The following CENPL variants were observed in gnomAD, a reference collection of about 807,000 sequenced individuals.
The protein encoded by CENPL is centromere protein L.
CENPL carries 20 observed loss-of-function variants against 35.2 expected under a neutral mutation model. The ratio of observed to expected loss-of-function variants is 0.57; its 90% CI spans 0.40 to 0.83. The LOEUF is 0.83. CENPL is among the 40% of genes least tolerant of loss of function. The pLI is 0.00. For synonymous variants in CENPL, 140 were observed against 140.6 expected, an observed-to-expected ratio of 1.00 and a Z score of 0.03; for missense variants, 363 against 395.8, an observed-to-expected ratio of 0.92 and a Z score of 0.70.
At chr1:173,811,499 A>T (rs1409211872) in intron 2 of CENPL, among the ~76,000 whole-genome samples, 193 bp from the exon 3 acceptor site, 1 of 152,208 alleles carries the variant, frequency 6.6e-6, no homozygotes, top group Non-Finnish European at 1.5e-5. Flanking sequence ...TATCTTACAG[A>T]TACCTCAAAA....
chr1:173,811,748 G>A (rs529071068), intron 2 of CENPL, among the ~76,000 whole-genome samples: 11 of 152,314 alleles, frequency 7.2e-5, no homozygotes, highest in African/African-American at 2.4e-4. Context: ...CAGCATGATC[G>A]ATGCAGAAGA....
At chr1:173,801,445 C>T (rs777784879) in intron 5 of CENPL, among the ~76,000 whole-genome samples, 3 of 150,320 alleles carry the variant, frequency 2.0e-5, no homozygotes, top group Non-Finnish European at 3.0e-5. Flanking sequence ...ACCCAGGAGG[C>T]GGAGGCTGCA....
intron 4 of CENPL, among the ~76,000 whole-genome samples, chr1:173,805,376 AC>A (rs1435701368): frequency 6.6e-6 from 1 of 152,014 alleles, no homozygotes; most frequent in Admixed American, 6.6e-5. Context: ...CTAGCCTGGC[AC>A]GGTGGCACAT....
At chr1:173,822,310 C>T (rs1652031343) in intron 2 of CENPL, 1 of 152,110 alleles carries the variant, frequency 6.6e-6, no homozygotes. Context: ...ACCTTGTTTC[C>T]TCTGACATTC....
chr1:173,814,128 T>C (rs193106200), intron 2 of CENPL, among the ~76,000 whole-genome samples: 2 of 152,282 alleles, frequency 1.3e-5, no homozygotes, highest in East Asian at 1.9e-4. Flanking sequence ...AAGAGCTAAC[T>C]ACCATATATA....
At chr1:173,805,452 T>C (rs774998210) in intron 4 of CENPL, among the ~76,000 whole-genome samples, 11 of 151,150 alleles carry the variant, frequency 7.3e-5, no homozygotes, top group Non-Finnish European at 1.3e-4. Context: ...GAGGTAGAGG[T>C]TGCAGTGAGC....
In CENPL at chr1:173,807,363, A is replaced by G. The variant is rs1313281128; in HGVS notation, c.324T>C (p.Ala108=). ...FIVAEKQKGL[A]VEVGEDFNIK... ...TGTTGAAGTCTTCTCCCACTTCCAC[A>G]GCAAGTCCTTTTTGCTTTTCAGCAA... Residue 108 remains alanine, a synonymous_variant, in exon 4 of 6, where the codon GCT becomes GCC. Transcript: ENST00000682279. 1 of 1,613,842 alleles carries G rather than the reference A, an allele frequency of 6.2e-7. No homozygotes were observed. The highest frequency in any genetic ancestry group is 8.5e-7 in the Non-Finnish European group (1 of 1,179,828).
At chr1:173,805,619 T>G (rs1164601738) in intron 4 of CENPL, among the ~76,000 whole-genome samples, 1 of 152,110 alleles carries the variant, frequency 6.6e-6, no homozygotes, top group Non-Finnish European at 1.5e-5. Flanking sequence ...TTACTGGGTC[T>G]CAGCAAGATT....
At chr1:173,803,805 G>A (rs1372493849) in intron 4 of CENPL, among the ~76,000 whole-genome samples, 5 of 151,942 alleles carry the variant, frequency 3.3e-5, no homozygotes, top group Admixed American at 3.3e-4. Context: ...CCAAGTAGCT[G>A]GGATTACAGG....
Position 173,820,167 on chromosome 1 carries a change from T to G in CENPL, c.-8+3759A>C, listed in dbSNP as rs567103641. 2.0e-5 allele frequency among the ~76,000 whole-genome samples: 3 copies of G among 152,276 alleles called. No individual in the cohort carries two copies. The South Asian group carries it at 6.2e-4, about 32-fold the overall frequency. On this transcript the variant is annotated intron_variant, in intron 2 of 5. Transcript: ENST00000682279. ...TCCAAAAATCTGAAATCCAAAATGC[T>G]CCAGTGAACATTTCCTTCCAGCATC...
At chr1:173,819,339 C>T (rs1651715144) in intron 2 of CENPL, among the ~76,000 whole-genome samples, 1 of 152,212 alleles carries the variant, frequency 6.6e-6, no homozygotes, top group African/African-American at 2.4e-5. Context: ...CCTGTAATCC[C>T]AGCACTTTGG....
chr1:173,812,714 G>T (rs375738497), intron 2 of CENPL, among the ~76,000 whole-genome samples: 16 of 152,268 alleles, frequency 1.1e-4, no homozygotes, highest in African/African-American at 3.6e-4. Flanking sequence ...CCACAAAAAT[G>T]GGGAGAAACC....
Position 173,807,340 on chromosome 1 carries a change from T to C in CENPL, c.347A>G (p.Asn116Ser). The change falls in exon 4 of 6, where the codon AAC becomes AGC. Residue 116 changes from asparagine to serine, a missense_variant. Transcript: ENST00000682279. Reference sequence around the variant, plus strand: ...GAGAGTAGAAAAAATCACTTTGATGTTGAAGTCTTCTCCCACTTCCACAGC... The same window carrying C: ...GAGAGTAGAAAAAATCACTTTGATGCTGAAGTCTTCTCCCACTTCCACAGC... ...GLAVEVGEDF[N>S]IKVIFSTLLG... The C allele has an allele frequency of 6.2e-7, 1 of 1,613,868 alleles. No individual in the cohort carries two copies.
chr1:173,801,875 T>C (rs1293303449), intron 5 of CENPL, among the ~76,000 whole-genome samples: 1 of 151,108 alleles, frequency 6.6e-6, no homozygotes, highest in Non-Finnish European at 1.5e-5. Context: ...TTACAAAAAT[T>C]AGCCAGGTGT....
At chr1:173,823,200 C>T (rs1361052347) in intron 2 of CENPL, 2 of 152,234 alleles carry the variant, frequency 1.3e-5, no homozygotes, top group Non-Finnish European at 2.9e-5. Flanking sequence ...TGCTTGAGAT[C>T]CCATAACAGT....
chr1:173,804,492 C>A lies in CENPL; in HGVS notation c.421-987G>T, dbSNP rs150030124. ...ATAATTACTTTAAAAAGCTCTGATT[C>A]GGGGAAGGAAGGGGGAAAAAGGTCT... On this transcript the variant is annotated intron_variant, in intron 4 of 5. Transcript: ENST00000682279. Among the ~76,000 whole-genome samples, 103 of 152,222 alleles carry A rather than the reference C, an allele frequency of 6.8e-4. 1 individual carries two copies. The highest frequency in any genetic ancestry group is 3.4e-3 in the Middle Eastern group (1 of 294).
chr1:173,811,341 A>G (rs1315890805), intron 2 of CENPL, 35 bp from the exon 3 acceptor site: 1 of 1,451,172 alleles, frequency 6.9e-7, no homozygotes, highest in East Asian at 2.3e-5. Context: ...AATTCTAAGC[A>G]CTAAAAAGTT....
chr1:173,821,031 C>T (rs1651894986), intron 2 of CENPL, among the ~76,000 whole-genome samples: 1 of 152,140 alleles, frequency 6.6e-6, no homozygotes, highest in African/African-American at 2.4e-5. Flanking sequence ...TCTAAAGCAT[C>T]CTAGCTTTAA....
At position 173,824,099 on chromosome 1, in the gene CENPL, C is replaced by T. The variant is rs546891234; in HGVS notation, c.-101-80G>A. ...AACCCCTGGCCCTCCCAAATTCCCT[C>T]TCGCTCCACAAGTGGGTTCACAAGA... is the stretch of plus-strand genomic sequence containing the variant. On this transcript the variant is annotated intron_variant, in intron 1 of 5. Transcript: ENST00000682279. The T allele has an allele frequency of 2.6e-5, 4 of 152,258 alleles. No individual in the cohort carries two copies. The East Asian group carries it at 7.7e-4, about 29-fold the overall frequency. The allele number at this position is 152,258 out of a possible 1,614,324, so 9.4% of individuals were successfully genotyped here. A position where few individuals can be genotyped will look rare whatever the true frequency, so the allele number is the denominator to read the frequency against.
Sources: gnomAD v4.1 joint callset for allele counts (sites outside exome capture counted in the v4.1 genomes callset) on GRCh38, gnomAD v4.1.1 for gene constraint, MANE v1.5 for transcripts, NCBI Gene and HGNC (gene_info 2026-07-23, HGNC 2026-07-21) for gene names.